Variants in STPG2 observed in about 807,000 individuals in gnomAD.
The protein encoded by STPG2 is sperm-tail PG-rich repeat-containing protein 2.
In STPG2, 56 loss-of-function variants were observed where a neutral mutation model predicts 54.2. The observed-to-expected ratio is 1.03, with a 90% CI of 0.83 to 1.29. STPG2 has a LOEUF of 1.29. STPG2 is among the 50% of genes most tolerant of loss of function. The pLI is 0.00. For synonymous variants in STPG2, 200 were observed against 181.8 expected, an observed-to-expected ratio of 1.10 and a Z score of -0.81; for missense variants, 596 against 544.9, an observed-to-expected ratio of 1.09 and a Z score of -0.93.
chr4:97,693,136 TAA>T (rs35469387), intron 10 of STPG2, among the ~76,000 whole-genome samples: 4,686 of 133,064 alleles, frequency 0.035, 244 homozygotes, highest in African/African-American at 0.11. Flanking sequence ...ATAACAATGA[TAA>T]AAAAAAAAAA....
chr4:97,936,385 A>C (rs1411752051), intron 8 of STPG2, among the ~76,000 whole-genome samples: 2 of 152,210 alleles, frequency 1.3e-5, no homozygotes, highest in Non-Finnish European at 2.9e-5. Flanking sequence ...ATTTGAGGTT[A>C]ACATTGTTAT....
intron 9 of STPG2, among the ~76,000 whole-genome samples, chr4:97,732,093 G>A (rs10017769): frequency 5.3e-5 from 8 of 152,174 alleles, no homozygotes; most frequent in African/African-American, 7.2e-5. Flanking sequence ...CTCTCTCTCA[G>A]CCCTGCAGTT....
intron 5 of STPG2, among the ~76,000 whole-genome samples, chr4:98,082,433 C>CTTTT (rs70955915): frequency 2.8e-5 from 2 of 71,502 alleles, no homozygotes; most frequent in Non-Finnish European, 5.5e-5. Flanking sequence ...TGCAGGTCCA[C>CTTTT]TTTTTTTTTT....
At chr4:97,921,034 T>C (rs1732085970) in intron 8 of STPG2, among the ~76,000 whole-genome samples, 1 of 152,158 alleles carries the variant, frequency 6.6e-6, no homozygotes, top group African/African-American at 2.4e-5. Flanking sequence ...GGTGAGACAT[T>C]ACAGCACCTG....
chr4:97,678,897 T>C (rs1354308061), intron 10 of STPG2, among the ~76,000 whole-genome samples: 2 of 152,032 alleles, frequency 1.3e-5, no homozygotes, highest in Non-Finnish European at 2.9e-5. Context: ...GTTCTTGCGA[T>C]AGTTTACTGA....
At chr4:98,028,945 T>C (rs943375865) in intron 5 of STPG2, among the ~76,000 whole-genome samples, 4 of 152,170 alleles carry the variant, frequency 2.6e-5, no homozygotes. Flanking sequence ...CTTTCACCTA[T>C]GGTTTATTTG....
At chr4:97,962,544 G>C (rs181221651) in intron 7 of STPG2, among the ~76,000 whole-genome samples, 7 of 152,216 alleles carry the variant, frequency 4.6e-5, no homozygotes, top group Non-Finnish European at 8.8e-5. Context: ...TTTCACTCTT[G>C]ATTTTAGATT....
intron 9 of STPG2, among the ~76,000 whole-genome samples, chr4:97,789,295 A>C (rs578158150): frequency 3.7e-4 from 57 of 152,162 alleles, no homozygotes; most frequent in Admixed American, 1.3e-3. Context: ...AAATACTCAT[A>C]TATCAATTTT....
At chr4:97,902,594 G>A (rs569124563) in intron 8 of STPG2, among the ~76,000 whole-genome samples, 10 of 152,164 alleles carry the variant, frequency 6.6e-5, no homozygotes, top group African/African-American at 2.4e-4. Flanking sequence ...ACCACAAGGA[G>A]ATACCACTTC....
intron 5 of STPG2, among the ~76,000 whole-genome samples, chr4:98,090,466 G>C (rs1738651876): frequency 2.0e-5 from 3 of 152,014 alleles, no homozygotes; most frequent in Admixed American, 2.0e-4. Flanking sequence ...TAGGCTTGTA[G>C]TATAATTTGA....
intron 4 of STPG2, among the ~76,000 whole-genome samples, chr4:97,497,498 C>T (rs1286618909): frequency 2.6e-5 from 4 of 151,772 alleles, no homozygotes; most frequent in Non-Finnish European, 4.4e-5. Flanking sequence ...ACGGAAATCT[C>T]CCAATTAGTA....
At chr4:97,452,668 G>A (rs980931476) in intron 4 of STPG2, among the ~76,000 whole-genome samples, 8 of 152,218 alleles carry the variant, frequency 5.3e-5, no homozygotes, top group Admixed American at 1.3e-4. Flanking sequence ...CTCTAGGACC[G>A]CCTATCTGCT....
At chr4:97,569,244 C>T (rs1413039537) in intron 10 of STPG2, among the ~76,000 whole-genome samples, 1 of 152,074 alleles carries the variant, frequency 6.6e-6, no homozygotes, top group Non-Finnish European at 1.5e-5. Flanking sequence ...ATTGCCAGGG[C>T]GTTTGTAAAC....
intron 10 of STPG2, among the ~76,000 whole-genome samples, chr4:97,679,416 C>A (rs1722957110): frequency 1.3e-5 from 2 of 152,050 alleles, no homozygotes; most frequent in Non-Finnish European, 2.9e-5. Flanking sequence ...TGGCTGCATA[C>A]ATGTCTACCT....
intron 8 of STPG2, among the ~76,000 whole-genome samples, chr4:97,858,721 C>T (rs1440640202): frequency 1.3e-5 from 2 of 152,146 alleles, no homozygotes; most frequent in Non-Finnish European, 2.9e-5. Context: ...GCTGTGAATG[C>T]CATTATTTCA....
downstream of STPG2, among the ~76,000 whole-genome samples, chr4:97,558,039 T>A (rs901045732): frequency 6.6e-6 from 1 of 152,208 alleles, no homozygotes; most frequent in Admixed American, 6.5e-5. Flanking sequence ...TAGTTGTCAC[T>A]TTACATAAGA....
At chr4:97,747,609 T>C (rs931647701) in intron 9 of STPG2, among the ~76,000 whole-genome samples, 1 of 151,408 alleles carries the variant, frequency 6.6e-6, no homozygotes, top group Non-Finnish European at 1.5e-5. Context: ...ATCAGTTTCA[T>C]ATTTGTACAT....
At chr4:97,583,229 C>T (rs1732904346) in intron 10 of STPG2, among the ~76,000 whole-genome samples, 1 of 151,880 alleles carries the variant, frequency 6.6e-6, no homozygotes, top group Non-Finnish European at 1.5e-5. Flanking sequence ...CCAGCTCCAC[C>T]CCATTATCAA....
At chr4:97,498,260 T>C (rs754734339) in intron 4 of STPG2, among the ~76,000 whole-genome samples, 10 of 151,956 alleles carry the variant, frequency 6.6e-5, no homozygotes, top group Admixed American at 2.0e-4. Flanking sequence ...AACTTGTTAA[T>C]GAGGCATCAT....
Sources: gnomAD v4.1 joint callset for allele counts (sites outside exome capture counted in the v4.1 genomes callset) on GRCh38, gnomAD v4.1.1 for gene constraint, MANE v1.5 for transcripts, NCBI Gene and HGNC (gene_info 2026-07-23, HGNC 2026-07-21) for gene names.